Variants in PCDH15 observed in about 807,000 individuals in gnomAD.
The protein encoded by PCDH15 is protocadherin related 15.
In PCDH15, 129 loss-of-function variants were observed where a neutral mutation model predicts 178.5. The ratio of observed to expected loss-of-function variants is 0.72; its 90% CI spans 0.63 to 0.84. The LOEUF (loss-of-function observed/expected upper bound fraction) is 0.84. Among genes scored for constraint, PCDH15 ranks in the 40% least tolerant of loss-of-function variants. PCDH15 has a pLI of 0.00. For missense variants in PCDH15, 2,230 were observed against 2,099.9 expected (o/e 1.06, Z -1.21); for synonymous variants, 800 against 732.0 (o/e 1.09, Z -1.50).
intron 3 of PCDH15, among the ~76,000 whole-genome samples, chr10:54,888,115 C>A (rs1343736641): frequency 6.6e-6 from 1 of 152,072 alleles, no homozygotes; most frequent in Non-Finnish European, 1.5e-5. Flanking sequence ...ATGAAACAAC[C>A]ATTACAATCA....
chr10:53,903,416 G>A, intron 25 of PCDH15, 46 bp from the exon 26 acceptor site: 1 of 1,605,860 alleles, frequency 6.2e-7, no homozygotes, highest in Non-Finnish European at 8.5e-7. Flanking sequence ...GTTATTCATG[G>A]GGGAAAAAAT....
intron 2 of PCDH15, among the ~76,000 whole-genome samples, chr10:54,975,217 A>G (rs1428780670): frequency 4.6e-5 from 7 of 152,154 alleles, no homozygotes; most frequent in Non-Finnish European, 1.0e-4. Context: ...ATTTTCGAAG[A>G]TATTAATGTA....
intron 25 of PCDH15, chr10:53,907,166 G>A (rs1441424439): frequency 2.6e-5 from 4 of 152,140 alleles, no homozygotes; most frequent in Non-Finnish European, 5.9e-5. Flanking sequence ...ATTGTACCAT[G>A]TTCTTCCACC....
At chr10:55,013,465 T>G (rs998557964) in intron 2 of PCDH15, among the ~76,000 whole-genome samples, 2 of 133,272 alleles carry the variant, frequency 1.5e-5, no homozygotes, top group Admixed American at 7.6e-5. Context: ...TTTCCACCAC[T>G]CAGACCATGA....
chr10:55,256,934 G>C (rs1233401484), intron 1 of PCDH15, among the ~76,000 whole-genome samples: 2 of 152,152 alleles, frequency 1.3e-5, no homozygotes, highest in East Asian at 1.9e-4. Context: ...TCCTCAAGTG[G>C]GTCCCTGACC....
At chr10:54,931,460 G>T (rs534218882) in intron 2 of PCDH15, among the ~76,000 whole-genome samples, 1 of 152,272 alleles carries the variant, frequency 6.6e-6, no homozygotes, top group East Asian at 1.9e-4. Flanking sequence ...AGTGAATTCT[G>T]CTTGTGCTGA....
intron 2 of PCDH15, among the ~76,000 whole-genome samples, chr10:55,426,828 T>G (rs1838769373): frequency 6.6e-6 from 1 of 152,174 alleles, no homozygotes; most frequent in African/African-American, 2.4e-5. Flanking sequence ...CGGCCACCTC[T>G]GGCCAATTTC....
chr10:54,433,944 C>T (rs1433106300), intron 3 of PCDH15, among the ~76,000 whole-genome samples: 1 of 152,192 alleles, frequency 6.6e-6, no homozygotes, highest in Non-Finnish European at 1.5e-5. Flanking sequence ...GAGACAACAG[C>T]TCCATGTGTG....
chr10:54,240,947 T>C (rs568484790), intron 8 of PCDH15, among the ~76,000 whole-genome samples: 1 of 152,250 alleles, frequency 6.6e-6, no homozygotes, highest in Admixed American at 6.5e-5. Context: ...GTTATTTTCA[T>C]TGAACACAGT....
At chr10:54,408,503 T>G (rs1401703987) in intron 3 of PCDH15, among the ~76,000 whole-genome samples, 1 of 152,078 alleles carries the variant, frequency 6.6e-6, no homozygotes, top group Non-Finnish European at 1.5e-5. Context: ...TGTTTTACAA[T>G]ATTCTTACAT....
At chr10:54,505,316 ATACT>A (rs1334383285) in intron 3 of PCDH15, among the ~76,000 whole-genome samples, 1 of 152,146 alleles carries the variant, frequency 6.6e-6, no homozygotes, top group African/African-American at 2.4e-5. Flanking sequence ...AGCTAATAAC[ATACT>A]TAGGGCAAAA....
At chr10:55,118,411 C>CT (rs1191279725) in intron 2 of PCDH15, among the ~76,000 whole-genome samples, 1 of 152,124 alleles carries the variant, frequency 6.6e-6, no homozygotes, top group Non-Finnish European at 1.5e-5. Context: ...GCATTGAGTA[C>CT]TTACTCTCCA....
At chr10:53,812,841 T>C (rs1331889570) in intron 35 of PCDH15, among the ~76,000 whole-genome samples, 2 of 152,180 alleles carry the variant, frequency 1.3e-5, no homozygotes, top group Admixed American at 6.5e-5. Context: ...ATTTCTATCA[T>C]CTATTATTTA....
intron 2 of PCDH15, among the ~76,000 whole-genome samples, chr10:55,437,147 C>T (rs1839060614): frequency 6.6e-6 from 1 of 152,102 alleles, no homozygotes; most frequent in Non-Finnish European, 1.5e-5. Flanking sequence ...CTACACACAT[C>T]AACAGGAAAA....
At chr10:54,610,703 T>G (rs558402008) in intron 2 of PCDH15, among the ~76,000 whole-genome samples, 15 of 151,914 alleles carry the variant, frequency 9.9e-5, no homozygotes, top group African/African-American at 3.6e-4. Flanking sequence ...TGGGTTTCTA[T>G]AATAATAAAA....
chr10:53,944,044 T>C (rs2086312318), intron 23 of PCDH15, among the ~76,000 whole-genome samples: 1 of 152,134 alleles, frequency 6.6e-6, no homozygotes, highest in Non-Finnish European at 1.5e-5. Flanking sequence ...CAGGATTCAT[T>C]AAGCCAGATG....
At chr10:54,599,325 C>T (rs1170441945) in intron 2 of PCDH15, among the ~76,000 whole-genome samples, 1 of 151,854 alleles carries the variant, frequency 6.6e-6, no homozygotes, top group Non-Finnish European at 1.5e-5. Flanking sequence ...ACCAAAAAAA[C>T]AAAACAGAGA....
intron 1 of PCDH15, among the ~76,000 whole-genome samples, chr10:55,229,728 G>T (rs1051586529): frequency 2.0e-5 from 3 of 151,872 alleles, no homozygotes; most frequent in Middle Eastern, 6.3e-3. Context: ...AAATCCTGCA[G>T]GCTTAAGAGA....
chr10:54,835,649 A>C (rs1018162703), intron 3 of PCDH15, among the ~76,000 whole-genome samples: 3 of 152,052 alleles, frequency 2.0e-5, no homozygotes, highest in African/African-American at 7.2e-5. Context: ...ATGCACACAC[A>C]CCCTCATTCA....
Sources: gnomAD v4.1 joint callset for allele counts (sites outside exome capture counted in the v4.1 genomes callset) on GRCh38, gnomAD v4.1.1 for gene constraint, MANE v1.5 for transcripts, NCBI Gene and HGNC (gene_info 2026-07-23, HGNC 2026-07-21) for gene names.